The following LIG3 variants were observed in gnomAD, a reference collection of about 807,000 sequenced individuals.
LIG3 encodes ligase II, DNA, ATP-dependent.
LIG3 carries 58 observed loss-of-function variants against 110.9 expected under a neutral mutation model. That is an observed-to-expected ratio of 0.52 (90% CI 0.42 to 0.65). The LOEUF is 0.65. Ranked by LOEUF, LIG3 falls within the 30% of genes least tolerant of loss-of-function variation. The pLI, the probability that LIG3 is intolerant of heterozygous loss-of-function variation, is 0.00. For missense variants in LIG3, 1,094 were observed against 1,273.8 expected (o/e 0.86, Z 2.15); for synonymous variants, 422 against 472.8 (o/e 0.89, Z 1.39).
rs1597808539 is a variant in LIG3, at chr17:35,009,683, A to C, written c.*5177A>C. On this transcript the variant is annotated 3_prime_UTR_variant, in exon 20 of 20. Transcript: ENST00000378526. ...AGATTTAAAGGCAAAATGAGTAAAC[A>C]ACCTCAGTTTTAATTCTTACTGAGG... is the stretch of plus-strand genomic sequence containing the variant. 1 of 152,300 alleles carries C rather than the reference A, an allele frequency of 6.6e-6. No individual in the cohort carries two copies. Among genetic ancestry groups the C allele is most frequent in the East Asian group, 1.9e-4 (1 of 5,176 alleles). The allele number at this position is 152,300 out of a possible 1,614,324, so 9.4% of individuals were successfully genotyped here. A position where few individuals can be genotyped will look rare whatever the true frequency, so the allele number is the denominator to read the frequency against.
chr17:34,985,685 T>G (rs965244756), intron 2 of LIG3, among the ~76,000 whole-genome samples: 2 of 152,230 alleles, frequency 1.3e-5, no homozygotes, highest in Non-Finnish European at 2.9e-5. Context: ...TCCCCCAAAT[T>G]GTTATTTCTG....
At chr17:34,987,605 G>C (rs1379740543) in intron 3 of LIG3, among the ~76,000 whole-genome samples, 3 of 152,346 alleles carry the variant, frequency 2.0e-5, no homozygotes, top group Non-Finnish European at 2.9e-5. Flanking sequence ...CCTGAGGTCA[G>C]AAGACTTGGG....
chr17:34,993,002 G>A lies in LIG3; in HGVS notation c.1455+310G>A, dbSNP rs546765124. On this transcript the variant is annotated intron_variant, in intron 8 of 19. Coordinates refer to ENST00000378526, the MANE Select transcript of LIG3 (RefSeq NM_013975.4). The stretch of plus-strand genomic sequence containing the variant: ...TGGATGACGTCTGAGACTGCCTGAG[G>A]CATCCCCCTAGAATGATTTATCTGT... Among the ~76,000 whole-genome samples the A allele has an allele frequency of 3.3e-5, 5 of 152,196 alleles. No individual in the cohort carries two copies. The East Asian group carries it at 7.7e-4, about 24-fold the overall frequency.
At chr17:34,998,335 C>G (rs754162845) in intron 13 of LIG3, 39 bp downstream of exon 13, 1 of 1,551,516 alleles carries the variant, frequency 6.4e-7, no homozygotes, top group Non-Finnish European at 8.8e-7. Context: ...TCGACTCACT[C>G]GCAGCCCTCT....
At chr17:34,982,972 T>G in intron 1 of LIG3, 30 bp from the exon 2 acceptor site, 1 of 1,475,286 alleles carries the variant, frequency 6.8e-7, no homozygotes. Context: ...TCTTTTTTTT[T>G]TTTTTTTGGC....
rs1597800599 is a variant in LIG3, at chr17:34,998,827, G to A, written c.2113+100G>A. ...CTGGCTTGATCTGCCAGCATGGCCA[G>A]TTATGACTTCCGAAGTCCTAGGATC... is the stretch of plus-strand genomic sequence containing the variant. On this transcript the variant is annotated intron_variant, in intron 14 of 19. Coordinates refer to ENST00000378526, the MANE Select transcript of LIG3 (RefSeq NM_013975.4). The A allele has an allele frequency of 2.8e-6, 4 of 1,432,884 alleles. No homozygotes were observed. In the East Asian group the frequency reaches 9.2e-5, roughly 33 times the overall value. The allele number at this position is 1,432,884 out of a possible 1,614,324, so 88.8% of individuals were successfully genotyped here.
intron 19 of LIG3, 173 bp from the exon 20 acceptor site, chr17:35,004,100 G>A (rs1597805420): frequency 5.0e-6 from 3 of 605,646 alleles, no homozygotes; most frequent in East Asian, 2.8e-5. Context: ...TGTCAGTCCT[G>A]TATAATTTGG....
intron 13 of LIG3, 90 bp from the exon 14 acceptor site, chr17:34,998,514 G>A: frequency 6.6e-7 from 1 of 1,510,324 alleles, no homozygotes; most frequent in Non-Finnish European, 9.1e-7. Flanking sequence ...AGGGGCACTG[G>A]GCTAGATCTG....
intron 3 of LIG3, among the ~76,000 whole-genome samples, chr17:34,987,627 G>C (rs538405838): frequency 1.3e-5 from 2 of 152,358 alleles, no homozygotes; most frequent in Admixed American, 6.5e-5. Flanking sequence ...TCTGGTCCTT[G>C]ACAGCTCAGA....
chr17:35,004,523 C>T lies in LIG3; in HGVS notation c.*17C>T. On this transcript the variant is annotated 3_prime_UTR_variant, in exon 20 of 20. Transcript: ENST00000378526. ...CCCTGCTAGGTTTGCTGTCTTCCCT[C>T]TCCCTCAGGCCATACTCTCCTTTAC... 6.3e-7 allele frequency: 1 copy of T among 1,593,034 alleles called. No homozygotes were observed. The highest frequency in any genetic ancestry group is 8.6e-7 in the Non-Finnish European group (1 of 1,161,062).
At position 35,004,713 on chromosome 17, in the gene LIG3, T is replaced by C. The variant is rs2090881705; in HGVS notation, c.*207T>C. 2 of 555,698 alleles carry C rather than the reference T, an allele frequency of 3.6e-6. No homozygotes were observed. The highest frequency in any genetic ancestry group is 6.4e-6 in the Non-Finnish European group (2 of 313,626). The allele number at this position is 555,698 out of a possible 1,614,324, so 34.4% of individuals were successfully genotyped here. ...AGTTTGTCTTGCTGGTTTAAATAGA[T>C]CTTTCAGAGCTGGGTGCTGGGTTTG... On this transcript the variant is annotated 3_prime_UTR_variant, in exon 20 of 20. Coordinates refer to ENST00000378526, the MANE Select transcript of LIG3 (RefSeq NM_013975.4).
intron 18 of LIG3, 48 bp from the exon 19 acceptor site, chr17:35,002,620 G>T (rs775389321): frequency 6.3e-7 from 1 of 1,587,272 alleles, no homozygotes; most frequent in Non-Finnish European, 8.6e-7. Flanking sequence ...CGAGTAGCTG[G>T]GACTATAGGT....
At chr17:35,004,211 G>C (rs992731882) in intron 19 of LIG3, 62 bp from the exon 20 acceptor site, 7 of 1,264,684 alleles carry the variant, frequency 5.5e-6, no homozygotes, top group Non-Finnish European at 8.0e-6. Flanking sequence ...TGCTCATTTG[G>C]GTGAAGACCC....
Position 34,996,187 on chromosome 17 carries a change from G to C in LIG3, c.1735G>C (p.Val579Leu), listed in dbSNP as rs773861160. ...ACCACTGCCCTTTGGGACTCTGGGA[G>C]TACACAAGGTACTAGCTCAGGGCCA... The part of the protein sequence containing the change: ...GKPLPFGTLG[V>L]HKKAAFQDAN... The change falls in exon 10 of 20, where the codon GTA (valine) becomes CTA (leucine). Residue 579 changes from valine to leucine, a missense_variant. Physicochemically the swap from Val to Leu is conservative, Grantham distance 32. Coordinates refer to ENST00000378526, the MANE Select transcript of LIG3 (RefSeq NM_013975.4). 1 of 1,614,092 alleles carries C rather than the reference G, an allele frequency of 6.2e-7. No homozygotes were observed. The highest frequency in any genetic ancestry group is 2.2e-5 in the East Asian group (1 of 44,880).
At position 34,998,663 on chromosome 17, in the gene LIG3, G is replaced by A. The variant is rs759767991; in HGVS notation, c.2049G>A (p.Glu683=). Residue 683 remains glutamate (E), a synonymous_variant, in exon 14 of 20, where the codon GAG becomes GAA. Coordinates refer to ENST00000378526, the MANE Select transcript of LIG3 (RefSeq NM_013975.4). ...WLKVKKDYLN[E]GAMADTADLV... is the part of the protein sequence containing the mutation. ...AAGTGAAGAAAGACTATTTGAACGA[G>A]GGGGCCATGGCCGACACAGCTGACC... is the stretch of plus-strand genomic sequence containing the variant. The A allele has an allele frequency of 1.9e-6, 3 of 1,614,060 alleles. No individual in the cohort carries two copies. Among genetic ancestry groups the A allele is most frequent in the African/African-American group, 1.3e-5 (1 of 74,946 alleles).
chr17:34,988,467 A>G (rs1181827582), intron 3 of LIG3, among the ~76,000 whole-genome samples: 1 of 152,214 alleles, frequency 6.6e-6, no homozygotes. Flanking sequence ...CAAAGCCCAG[A>G]CAAGAAACAG....
rs764829793 is a variant in LIG3 at position 35,008,318 on chromosome 17, G to C, written c.*3812G>C. 8.5e-5 allele frequency: 13 copies of C among 152,216 alleles called. No individual in the cohort carries two copies. The highest frequency in any genetic ancestry group is 1.9e-4 in the Non-Finnish European group (13 of 68,066). 9.4% of individuals were successfully genotyped at this position (152,216 alleles called of 1,614,324 possible). On this transcript the variant is annotated 3_prime_UTR_variant, in exon 20 of 20. Transcript: ENST00000378526. The stretch of plus-strand genomic sequence containing the variant: ...CCATATATTACATTTGTGGTCTTGA[G>C]CAAGTTAGTTAGTTACAACAACACT...
chr17:34,993,327 T>A (rs1419531004), intron 8 of LIG3, among the ~76,000 whole-genome samples: 1 of 152,214 alleles, frequency 6.6e-6, no homozygotes. Flanking sequence ...GTGCTTTTTT[T>A]GAAACTGTCT....
chr17:35,005,488 G>C lies in LIG3; in HGVS notation c.*982G>C, dbSNP rs780867261. 5 of 563,446 alleles carry C rather than the reference G, an allele frequency of 8.9e-6. No individual in the cohort carries two copies. Among genetic ancestry groups the C allele is most frequent in the Non-Finnish European group, 1.8e-5 (5 of 278,332 alleles). The allele number at this position is 563,446 out of a possible 1,614,324, so 34.9% of individuals were successfully genotyped here. ...CCCCCAAGTATTGGCTGATGAACGT[G>C]GGCATCAGAGGCCAGTAGCTTTCTT... On this transcript the variant is annotated 3_prime_UTR_variant, in exon 20 of 20. Transcript: ENST00000378526.
Sources: gnomAD v4.1 joint callset for allele counts (sites outside exome capture counted in the v4.1 genomes callset) on GRCh38, gnomAD v4.1.1 for gene constraint, MANE v1.5 for transcripts, NCBI Gene and HGNC (gene_info 2026-07-23, HGNC 2026-07-21) for gene names.